Variants in ULK4 observed in about 807,000 individuals in gnomAD.
ULK4 encodes the protein unc-51 like kinase 4.
ULK4 carries 133 observed loss-of-function variants against 160.6 expected under a neutral mutation model. The ratio of observed to expected loss-of-function variants is 0.83; its 90% CI spans 0.72 to 0.96. The LOEUF (loss-of-function observed/expected upper bound fraction) is 0.96, where lower values mean the gene tolerates loss of function less well. ULK4 is among the 40% of genes least tolerant of loss of function. The pLI, the probability that ULK4 is intolerant of heterozygous loss-of-function variation, is 0.00. For missense variants in ULK4, 1,580 were observed against 1,499.5 expected, an observed-to-expected ratio of 1.05 and a Z score of -0.89; for synonymous variants, 534 against 539.8, an observed-to-expected ratio of 0.99 and a Z score of 0.15.
intron 30 of ULK4, among the ~76,000 whole-genome samples, chr3:41,617,239 C>T (rs866436418): frequency 6.6e-5 from 10 of 152,182 alleles, no homozygotes; most frequent in African/African-American, 1.4e-4. Context: ...CTTGACAAGA[C>T]GGATTCTCCC....
chr3:41,856,512 A>ATATATATATATATATATAT (rs2042339374), intron 17 of ULK4, among the ~76,000 whole-genome samples: 2 of 99,190 alleles, frequency 2.0e-5, no homozygotes, highest in African/African-American at 7.1e-5. Context: ...TAAATAAATA[A>ATATATATATATATATATAT]ATATATATAT....
At chr3:41,459,453 C>A (rs967612510) in intron 33 of ULK4, among the ~76,000 whole-genome samples, 2 of 152,128 alleles carry the variant, frequency 1.3e-5, no homozygotes, top group African/African-American at 4.8e-5. Flanking sequence ...TTCAATTCAA[C>A]ACTTACTGTG....
chr3:41,406,164 C>T (rs889118822), intron 34 of ULK4, among the ~76,000 whole-genome samples: 1 of 152,202 alleles, frequency 6.6e-6, no homozygotes, highest in Non-Finnish European at 1.5e-5. Context: ...AGATAGTGGT[C>T]AAGTTTCATT....
At chr3:41,328,906 TTGC>T (rs2080388856) in intron 35 of ULK4, among the ~76,000 whole-genome samples, 1 of 152,238 alleles carries the variant, frequency 6.6e-6, no homozygotes, top group African/African-American at 2.4e-5. Flanking sequence ...ATTTGATTTT[TTGC>T]TTTTACATTT....
rs71075470 is a variant in ULK4 at position 41,506,767 on chromosome 3, A to AATATATAT, written c.3227-43522_3227-43515dup. Among the ~76,000 whole-genome samples the AATATATAT allele has an allele frequency of 7.2e-3, 409 of 56,728 alleles. 20 individuals carry two copies. Among genetic ancestry groups the AATATATAT allele is most frequent in the East Asian group, 0.043 (52 of 1,208 alleles). The allele number at this position is 56,728 out of a possible 152,430, so 37.2% of individuals were successfully genotyped here. ...AGCAATACACTGGAGTGTGATTTAA[A>AATATATAT]ATATATATATATATATATATATATA... On this transcript the variant is annotated intron_variant, in intron 32 of 36. Transcript: ENST00000301831.
intron 35 of ULK4, among the ~76,000 whole-genome samples, chr3:41,256,850 AG>A (rs2078845527): frequency 6.6e-6 from 1 of 152,222 alleles, no homozygotes; most frequent in Admixed American, 6.5e-5. Context: ...AGAACATAAA[AG>A]TAACTCTTTA....
rs984159620 is a variant in ULK4 at position 41,315,070 on chromosome 3, A to T, written c.3679-65496T>A. Among the ~76,000 whole-genome samples, 4 of 152,314 alleles carry T rather than the reference A, an allele frequency of 2.6e-5. No homozygotes were observed. The East Asian group carries it at 7.7e-4, about 29-fold the overall frequency. On this transcript the variant is annotated intron_variant, in intron 35 of 36. Coordinates refer to ENST00000301831, the MANE Select transcript of ULK4 (RefSeq NM_017886.4). ...ATGCAAATTAGCATACGTCTTTTTAAATGTATTTTCTAAAACAAGAAAAAT... is the reference window on the plus strand; with the variant it reads ...ATGCAAATTAGCATACGTCTTTTTATATGTATTTTCTAAAACAAGAAAAAT...
intron 27 of ULK4, among the ~76,000 whole-genome samples, chr3:41,691,566 C>G (rs2036298828): frequency 6.6e-6 from 1 of 151,822 alleles, no homozygotes; most frequent in Non-Finnish European, 1.5e-5. Context: ...CTAACAATAC[C>G]TCCCCCAAAG....
At chr3:41,640,468 G>A (rs1049328538) in intron 30 of ULK4, among the ~76,000 whole-genome samples, 12 of 152,186 alleles carry the variant, frequency 7.9e-5, no homozygotes, top group South Asian at 4.1e-4. Context: ...ATGGTCTCTC[G>A]TTTTGCCTAG....
chr3:41,588,790 A>C (rs1469529387), intron 31 of ULK4, among the ~76,000 whole-genome samples: 1 of 152,198 alleles, frequency 6.6e-6, no homozygotes, highest in Non-Finnish European at 1.5e-5. Flanking sequence ...CATTTAAATA[A>C]ATTTAGGTAT....
At chr3:41,359,792 C>T (rs1462647985) in intron 35 of ULK4, among the ~76,000 whole-genome samples, 1 of 152,074 alleles carries the variant, frequency 6.6e-6, no homozygotes, top group African/African-American at 2.4e-5. Context: ...GGAGTAGAGA[C>T]TTAAATGTAA....
intron 31 of ULK4, among the ~76,000 whole-genome samples, chr3:41,580,169 G>A (rs2030169998): frequency 6.6e-6 from 1 of 152,164 alleles, no homozygotes; most frequent in Admixed American, 6.5e-5. Context: ...CTGCCGCTGT[G>A]CATGACAACA....
intron 34 of ULK4, among the ~76,000 whole-genome samples, chr3:41,451,396 A>G (rs1416987947): frequency 2.0e-5 from 3 of 151,822 alleles, no homozygotes; most frequent in Non-Finnish European, 4.4e-5. Context: ...TTATGAGGGC[A>G]GGAGGGACTA....
chr3:41,950,443 G>A (rs935369917), intron 2 of ULK4, among the ~76,000 whole-genome samples: 1 of 151,988 alleles, frequency 6.6e-6, no homozygotes, highest in Non-Finnish European at 1.5e-5. Flanking sequence ...GGGTTTCACC[G>A]TGTTGGACAG....
intron 35 of ULK4, among the ~76,000 whole-genome samples, chr3:41,333,702 AT>A (rs58919209): frequency 0.16 from 24,361 of 152,114 alleles, 2,407 homozygotes; most frequent in African/African-American, 0.27. Context: ...CCTGTTTGCT[AT>A]GTAGGATATA....
chr3:41,625,785 G>C (rs1454811675), intron 30 of ULK4, among the ~76,000 whole-genome samples: 1 of 152,146 alleles, frequency 6.6e-6, no homozygotes, highest in Non-Finnish European at 1.5e-5. Context: ...TTTACAGACA[G>C]CCTGAAGGAC....
intron 27 of ULK4, among the ~76,000 whole-genome samples, chr3:41,686,426 A>G (rs961003507): frequency 2.0e-5 from 3 of 152,192 alleles, no homozygotes; most frequent in Non-Finnish European, 1.5e-5. Flanking sequence ...ATAGTTACGA[A>G]GAGTTAGATT....
At chr3:41,931,747 G>A (rs1202402805) in intron 5 of ULK4, 97 bp downstream of exon 5, 1 of 1,414,648 alleles carries the variant, frequency 7.1e-7, no homozygotes, top group East Asian at 2.3e-5. Context: ...TATCTTATTT[G>A]AGTGGCAAAA....
chr3:41,512,512 C>T (rs866230281), intron 32 of ULK4, among the ~76,000 whole-genome samples: 7 of 152,110 alleles, frequency 4.6e-5, no homozygotes, highest in Non-Finnish European at 8.8e-5. Context: ...AGAACTCAAC[C>T]CTTTTTACAA....
Sources: allele counts gnomAD v4.1 joint callset (sites outside exome capture counted in the v4.1 genomes callset), GRCh38; gene constraint gnomAD v4.1.1; transcripts MANE v1.5; gene names NCBI Gene and HGNC (gene_info 2026-07-23, HGNC 2026-07-21).